RNF144A: variants seen among roughly 807,000 people sequenced by gnomAD.
RNF144A encodes E3 ubiquitin-protein ligase RNF144A.
In RNF144A, 11 loss-of-function variants were observed where a neutral mutation model predicts 38.7. That is an observed-to-expected ratio of 0.28 (90% CI 0.18 to 0.47). RNF144A has a LOEUF of 0.47. RNF144A is among the 20% of genes least tolerant of loss of function. RNF144A has a pLI of 0.99. For missense variants in RNF144A, 316 were observed against 377.2 expected (o/e 0.84, Z 1.34); for synonymous variants, 149 against 143.9 (o/e 1.04, Z -0.25).
chr2:7,057,167 C>G (rs372560720), intron 6 of RNF144A, among the ~76,000 whole-genome samples: 7 of 152,304 alleles, frequency 4.6e-5, no homozygotes, highest in African/African-American at 1.2e-4. Flanking sequence ...GCCATACAGA[C>G]CTTTCTATAT....
chr2:7,000,991 A>G (rs1439648757), intron 3 of RNF144A, among the ~76,000 whole-genome samples: 1 of 152,122 alleles, frequency 6.6e-6, no homozygotes, highest in Non-Finnish European at 1.5e-5. Context: ...TAACCGTAGA[A>G]AGTTGTAACT....
intron 3 of RNF144A, among the ~76,000 whole-genome samples, chr2:7,010,969 A>G (rs1233170772): frequency 2.0e-5 from 3 of 152,080 alleles, no homozygotes; most frequent in African/African-American, 7.2e-5. Flanking sequence ...TTGCAAATGG[A>G]TCATTGCATT....
chr2:6,922,177 C>T (rs529870646), intron 1 of RNF144A, among the ~76,000 whole-genome samples: 5 of 152,120 alleles, frequency 3.3e-5, no homozygotes, highest in African/African-American at 7.2e-5. Flanking sequence ...CCACCCATAG[C>T]GACCATTGTT....
chr2:6,946,622 T>G (rs557616912), intron 2 of RNF144A, among the ~76,000 whole-genome samples: 2 of 152,328 alleles, frequency 1.3e-5, no homozygotes, highest in African/African-American at 4.8e-5. Context: ...GCTGACCGAT[T>G]TGACAGTGAG....
chr2:6,954,584 A>G (rs1666882031), intron 2 of RNF144A, among the ~76,000 whole-genome samples: 1 of 152,238 alleles, frequency 6.6e-6, no homozygotes. Context: ...GTTGCTGCTG[A>G]AGACATGGGT....
intron 8 of RNF144A, among the ~76,000 whole-genome samples, chr2:7,034,679 A>C (rs1291747771): frequency 6.6e-6 from 1 of 152,226 alleles, no homozygotes; most frequent in Non-Finnish European, 1.5e-5. Flanking sequence ...AGAAGCCAAG[A>C]ATTATTTCTT....
chr2:7,034,069 G>A (rs1042763222), intron 8 of RNF144A, among the ~76,000 whole-genome samples: 10 of 152,146 alleles, frequency 6.6e-5, no homozygotes, highest in African/African-American at 2.4e-4. Context: ...GTGAGGAGAA[G>A]GTGGAAGTGG....
At chr2:6,985,648 A>T (rs183897173) in intron 2 of RNF144A, among the ~76,000 whole-genome samples, 1 of 152,136 alleles carries the variant, frequency 6.6e-6, no homozygotes, top group Non-Finnish European at 1.5e-5. Context: ...ATCGGTATCA[A>T]TGGGGTTTTC....
chr2:7,049,045 T>C (rs996475581), downstream of RNF144A, among the ~76,000 whole-genome samples: 14 of 152,306 alleles, frequency 9.2e-5, no homozygotes, highest in African/African-American at 3.4e-4. Flanking sequence ...TGAGAGGGTT[T>C]GTGGGGCCCT....
intron 3 of RNF144A, among the ~76,000 whole-genome samples, chr2:7,007,848 G>T (rs1351572252): frequency 6.6e-6 from 1 of 152,228 alleles, no homozygotes; most frequent in African/African-American, 2.4e-5. Flanking sequence ...GGGCCGCGCT[G>T]CCCACACCAC....
intron 6 of RNF144A, among the ~76,000 whole-genome samples, chr2:7,024,067 A>G (rs1424705733): frequency 1.3e-5 from 2 of 152,232 alleles, no homozygotes; most frequent in Non-Finnish European, 2.9e-5. Flanking sequence ...CCGTTATAAT[A>G]AGCCTTTCGC....
intron 2 of RNF144A, among the ~76,000 whole-genome samples, chr2:6,971,813 GCTT>G (rs1353113302): frequency 2.0e-5 from 3 of 152,106 alleles, no homozygotes; most frequent in Admixed American, 1.3e-4. Flanking sequence ...ACCTAAGCCT[GCTT>G]CTCTGCTTTT....
chr2:7,024,590 A>G (rs1260206656), intron 7 of RNF144A, 74 bp downstream of exon 7: 1 of 1,527,834 alleles, frequency 6.5e-7, no homozygotes, highest in African/African-American at 1.4e-5. Flanking sequence ...AAAATAGACC[A>G]GCTGTTTCCT....
chr2:7,071,669 C>T (rs759289409), downstream of RNF144A, among the ~76,000 whole-genome samples: 1 of 152,192 alleles, frequency 6.6e-6, no homozygotes, highest in Non-Finnish European at 1.5e-5. Flanking sequence ...CACTGTGCTT[C>T]TTAAGGTTTG....
intron 6 of RNF144A, among the ~76,000 whole-genome samples, chr2:7,022,702 C>T (rs1052920971): frequency 9.2e-5 from 14 of 152,174 alleles, no homozygotes; most frequent in African/African-American, 1.7e-4. Flanking sequence ...TCACCAGATC[C>T]GGTGTCTCAT....
rs1468502572 is a variant in RNF144A, at chr2:6,943,487, G to C, written c.-12+2340G>C. 2.0e-5 allele frequency among the ~76,000 whole-genome samples: 3 copies of C among 152,170 alleles called. No homozygotes were observed. The highest frequency in any genetic ancestry group is 2.9e-5 in the Non-Finnish European group (2 of 68,020). ...CAGAGTTTGAGGTGGTATCTGGTGG[G>C]GTAAATAAGCTTAGGAGAATTATTT... On this transcript the variant is annotated intron_variant, in intron 2 of 8. Coordinates refer to ENST00000320892, the MANE Select transcript of RNF144A (RefSeq NM_014746.6). The surrounding 1 kb of genome is among the most constrained non-coding windows in gnomAD (Gnocchi z 4.3).
At chr2:6,957,594 C>G (rs1459541131) in intron 2 of RNF144A, among the ~76,000 whole-genome samples, 1 of 152,112 alleles carries the variant, frequency 6.6e-6, no homozygotes, top group African/African-American at 2.4e-5. Context: ...CATGGTTTAT[C>G]TCTATTTCCT....
rs573336319 is a variant in RNF144A at position 7,042,960 on chromosome 2, C to T, written c.*3200C>T. 1.3e-5 allele frequency: 9 copies of T among 670,720 alleles called. No individual in the cohort carries two copies. Among genetic ancestry groups the T allele is most frequent in the African/African-American group, 2.0e-5 (1 of 50,974 alleles). 41.5% of individuals were successfully genotyped at this position (670,720 alleles called of 1,614,324 possible). ...TCGGCTCACTGCAAGCTCTGCCTCC[C>T]GGGTTCAAGCGATTCTCCTGCCTCA... On this transcript the variant is annotated 3_prime_UTR_variant, in exon 9 of 9. Coordinates refer to ENST00000320892, the MANE Select transcript of RNF144A (RefSeq NM_014746.6).
rs1669785466 is a variant in RNF144A at position 6,996,966 on chromosome 2, C to G, written c.40C>G (p.Leu14Val). ...GTACCGGCCCACCTGGGACCTGGCC[C>G]TCGACCCGCTGGTGTCTTGCAAGCT... ...TRYRPTWDLA[L>V]DPLVSCKLCL... The change falls in exon 3 of 9, where the codon CTC becomes GTC. Residue 14 changes from leucine (L) to valine (V), a missense_variant. Leu to Val is a conservative substitution (Grantham distance 32). Transcript: ENST00000320892. The G allele has an allele frequency of 6.2e-7, 1 of 1,614,048 alleles. No homozygotes were observed. Among genetic ancestry groups the G allele is most frequent in the Non-Finnish European group, 8.5e-7 (1 of 1,179,926 alleles).
Sources: allele counts gnomAD v4.1 joint callset (sites outside exome capture counted in the v4.1 genomes callset), GRCh38; gene constraint gnomAD v4.1.1; non-coding constraint Gnocchi (gnomAD v3.1); transcripts MANE v1.5; gene names NCBI Gene and HGNC (gene_info 2026-07-23, HGNC 2026-07-21).